The following CNTNAP2 variants were observed in gnomAD, a reference collection of about 807,000 sequenced individuals.
CNTNAP2 encodes the protein contactin associated protein 2.
Under a neutral mutation model 155.2 loss-of-function variants are expected in CNTNAP2, and 98 were observed. That is an observed-to-expected ratio of 0.63 (90% CI 0.54 to 0.75). The LOEUF (loss-of-function observed/expected upper bound fraction) is 0.75. CNTNAP2 is among the 30% of genes least tolerant of loss of function. CNTNAP2 has a pLI of 0.00. For synonymous variants in CNTNAP2, 651 were observed against 631.2 expected (o/e 1.03, Z -0.47); for missense variants, 1,727 against 1,688.1 (o/e 1.02, Z -0.40).
At chr7:147,541,111 G>A (rs147421907) in intron 11 of CNTNAP2, among the ~76,000 whole-genome samples, 165 of 152,198 alleles carry the variant, frequency 1.1e-3, no homozygotes, top group Non-Finnish European at 1.6e-3. Flanking sequence ...AAATGTATAC[G>A]ATATAGGGGG....
intron 1 of CNTNAP2, among the ~76,000 whole-genome samples, chr7:146,178,159 G>C (rs893416772): frequency 1.3e-5 from 2 of 152,030 alleles, no homozygotes; most frequent in African/African-American, 4.8e-5. Flanking sequence ...TCAGCCTCCT[G>C]AGTAGCTGGG....
chr7:148,076,674 A>G (rs145113250), intron 15 of CNTNAP2, among the ~76,000 whole-genome samples: 5,874 of 151,642 alleles, frequency 0.039, 201 homozygotes, highest in Admixed American at 0.11. Flanking sequence ...TGACCTCGTG[A>G]TCCACCCATC....
chr7:146,714,629 A>G (rs549270293), intron 1 of CNTNAP2, among the ~76,000 whole-genome samples: 1 of 152,344 alleles, frequency 6.6e-6, no homozygotes, highest in South Asian at 2.1e-4. Flanking sequence ...CCATGGTCAT[A>G]GGAACATAGA....
At chr7:146,120,126 G>A (rs1414994168) in intron 1 of CNTNAP2, among the ~76,000 whole-genome samples, 1 of 151,852 alleles carries the variant, frequency 6.6e-6, no homozygotes, top group Non-Finnish European at 1.5e-5. Flanking sequence ...TAGTATATTA[G>A]TCTATTTTCT....
intron 1 of CNTNAP2, among the ~76,000 whole-genome samples, chr7:146,328,512 G>A (rs536059226): frequency 6.3e-4 from 86 of 135,946 alleles, no homozygotes; most frequent in African/African-American, 2.0e-3. Context: ...TTCACTTAGC[G>A]ACCTGTGTGT....
chr7:147,949,487 C>A (rs956255219), intron 14 of CNTNAP2, among the ~76,000 whole-genome samples: 3 of 119,734 alleles, frequency 2.5e-5, no homozygotes, highest in African/African-American at 8.2e-5. Flanking sequence ...ATTGCAGGAA[C>A]AAAATCCTCT....
At chr7:146,726,860 C>A (rs1801439136) in intron 1 of CNTNAP2, among the ~76,000 whole-genome samples, 2 of 152,074 alleles carry the variant, frequency 1.3e-5, no homozygotes. Flanking sequence ...AACAGATTTT[C>A]CATAGCATAT....
At chr7:148,408,230 CAG>C (rs1184057620) in intron 22 of CNTNAP2, among the ~76,000 whole-genome samples, 1 of 152,110 alleles carries the variant, frequency 6.6e-6, no homozygotes, top group Admixed American at 6.6e-5. Flanking sequence ...GCCTGGACAA[CAG>C]AGTGAGACCC....
intron 1 of CNTNAP2, among the ~76,000 whole-genome samples, chr7:146,612,939 T>TC (rs1799162769): frequency 6.6e-6 from 1 of 152,026 alleles, no homozygotes; most frequent in Admixed American, 6.6e-5. Context: ...GTCTTTTTTT[T>TC]TTTTTTTTGC....
chr7:147,340,474 A>T (rs568769185), intron 9 of CNTNAP2, among the ~76,000 whole-genome samples: 1 of 152,262 alleles, frequency 6.6e-6, no homozygotes, highest in East Asian at 1.9e-4. Context: ...TCATTGGTTC[A>T]GCCAGTACCC....
chr7:147,324,020 C>T (rs890145398), intron 9 of CNTNAP2, among the ~76,000 whole-genome samples: 7 of 143,896 alleles, frequency 4.9e-5, no homozygotes, highest in Admixed American at 2.8e-4. Flanking sequence ...TCTTAGTTTC[C>T]GTATGGCAGA....
At chr7:148,403,480 T>C (rs1291201587) in intron 22 of CNTNAP2, among the ~76,000 whole-genome samples, 1 of 152,176 alleles carries the variant, frequency 6.6e-6, no homozygotes, top group African/African-American at 2.4e-5. Context: ...CTTGAGAATG[T>C]TATAGCTAGT....
chr7:146,396,135 A>T (rs1795623939), intron 1 of CNTNAP2, among the ~76,000 whole-genome samples: 1 of 152,170 alleles, frequency 6.6e-6, no homozygotes, highest in South Asian at 2.1e-4. Context: ...CATGTATTAA[A>T]TAATATTTCT....
chr7:148,373,456 AAAAACAACAACAAC>A lies in CNTNAP2; in HGVS notation c.3476-10188_3476-10175del, dbSNP rs1798926994. ...GACGACAGAGCGAGACTCAGTCTCA[AAAAACAACAACAAC>A]AAAAAAGAAGTATACTCTAAAATAA... On this transcript the variant is annotated intron_variant, in intron 21 of 23. Transcript: ENST00000361727. 2.6e-5 allele frequency among the ~76,000 whole-genome samples: 4 copies of A among 152,238 alleles called. No individual in the cohort carries two copies. The South Asian group carries it at 8.3e-4, about 31-fold the overall frequency.
Position 147,448,482 on chromosome 7 carries a change from G to GTATATATATATATATA in CNTNAP2, c.1671-37452_1671-37451insATATATATATATATAT, listed in dbSNP as rs10635826. On this transcript the variant is annotated intron_variant, in intron 10 of 23. Transcript: ENST00000361727. ...AAAAACAAACCAAATATGTGTGTGTGTGTATATATATATATATATATATGC... is the reference window on the plus strand; with the variant it reads ...AAAAACAAACCAAATATGTGTGTGTGTATATATATATATATATGTATATATATATATATATATATGC... Among the ~76,000 whole-genome samples, 7 of 103,362 alleles carry GTATATATATATATATA rather than the reference G, an allele frequency of 6.8e-5. No individual in the cohort carries two copies. The East Asian group carries it at 1.2e-3, about 17-fold the overall frequency. The allele number at this position is 103,362 out of a possible 152,430, so 67.8% of individuals were successfully genotyped here.
At chr7:147,599,133 A>C (rs1010070966) in intron 12 of CNTNAP2, among the ~76,000 whole-genome samples, 16 of 152,252 alleles carry the variant, frequency 1.1e-4, no homozygotes, top group African/African-American at 3.4e-4. Flanking sequence ...CCTAGAACAT[A>C]GAACAGGGGT....
chr7:148,098,067 G>A (rs536794229), intron 15 of CNTNAP2, among the ~76,000 whole-genome samples: 2 of 152,224 alleles, frequency 1.3e-5, no homozygotes, highest in South Asian at 2.1e-4. Flanking sequence ...AGTTCTAAAC[G>A]ATGGGAAAAA....
Position 147,532,242 on chromosome 7 carries a change from G to A in CNTNAP2, c.1778-29896G>A, listed in dbSNP as rs189501633. 4.4e-4 allele frequency among the ~76,000 whole-genome samples: 67 copies of A among 152,056 alleles called. 1 individual carries two copies. Among genetic ancestry groups the A allele is most frequent in the African/African-American group, 1.2e-3 (48 of 41,470 alleles). On this transcript the variant is annotated intron_variant, in intron 11 of 23. Transcript: ENST00000361727. ...GTTTTGCTGCTTAGAAATTTATTCC[G>A]CCAGATGCCGTAAATCAACTCTCTC...
At chr7:146,922,444 A>G (rs983860385) in intron 3 of CNTNAP2, among the ~76,000 whole-genome samples, 1 of 152,134 alleles carries the variant, frequency 6.6e-6, no homozygotes, top group Non-Finnish European at 1.5e-5. Context: ...GTGGTGAGGC[A>G]AGTCATTTGA....
Sources: gnomAD v4.1 joint callset for allele counts (sites outside exome capture counted in the v4.1 genomes callset) on GRCh38, gnomAD v4.1.1 for gene constraint, MANE v1.5 for transcripts, NCBI Gene and HGNC (gene_info 2026-07-23, HGNC 2026-07-21) for gene names.